Variants in GALNTL6 observed in about 807,000 individuals in gnomAD.
GALNTL6 encodes the protein polypeptide N-acetylgalactosaminyltransferase like 6, also known as polypeptide N-acetylgalactosaminyltransferase-like 6.
GALNTL6 carries 46 observed loss-of-function variants against 73.7 expected under a neutral mutation model. That is an observed-to-expected ratio of 0.62 (90% CI 0.49 to 0.80). GALNTL6 has a LOEUF of 0.80. Ranked by LOEUF, GALNTL6 falls within the 30% of genes least tolerant of loss-of-function variation. GALNTL6 has a pLI of 0.00. For synonymous variants in GALNTL6, 259 were observed against 263.7 expected (o/e 0.98, Z 0.17); for missense variants, 604 against 755.0 (o/e 0.80, Z 2.34).
intron 2 of GALNTL6, among the ~76,000 whole-genome samples, chr4:171,879,396 C>A (rs1041476741): frequency 6.6e-6 from 1 of 151,980 alleles, no homozygotes; most frequent in South Asian, 2.1e-4. Context: ...AGAACCTGCA[C>A]GTTCTATACA....
intron 2 of GALNTL6, among the ~76,000 whole-genome samples, chr4:172,229,265 C>T (rs1736971950): frequency 6.6e-6 from 1 of 152,042 alleles, no homozygotes; most frequent in African/African-American, 2.4e-5. Context: ...TATGTTTGAT[C>T]AAAATAAATA....
intron 2 of GALNTL6, among the ~76,000 whole-genome samples, chr4:171,918,100 A>G (rs1403268570): frequency 6.6e-6 from 1 of 152,116 alleles, no homozygotes; most frequent in Non-Finnish European, 1.5e-5. Flanking sequence ...AGGAGCTTGC[A>G]TATCTTCGTT....
At chr4:172,381,637 T>A (rs1328707717) in intron 5 of GALNTL6, among the ~76,000 whole-genome samples, 1 of 152,220 alleles carries the variant, frequency 6.6e-6, no homozygotes, top group Non-Finnish European at 1.5e-5. Context: ...AATAATGAAA[T>A]ATTATATGGA....
intron 2 of GALNTL6, among the ~76,000 whole-genome samples, chr4:171,871,572 G>A (rs373528939): frequency 4.0e-5 from 6 of 151,776 alleles, no homozygotes; most frequent in East Asian, 1.9e-4. Flanking sequence ...TATATTGCCC[G>A]CATCCTTGTA....
chr4:171,895,090 T>C (rs2110932971), intron 2 of GALNTL6, among the ~76,000 whole-genome samples: 1 of 152,316 alleles, frequency 6.6e-6, no homozygotes, highest in East Asian at 1.9e-4. Flanking sequence ...TAAGTAGTGA[T>C]GAATTTGGGG....
At chr4:172,802,011 G>T (rs567121285) in intron 5 of GALNTL6, among the ~76,000 whole-genome samples, 1 of 152,050 alleles carries the variant, frequency 6.6e-6, no homozygotes, top group Non-Finnish European at 1.5e-5. Context: ...TAATATTCAG[G>T]ATTCCCTTTC....
chr4:172,606,352 G>A (rs1304648405), intron 5 of GALNTL6, among the ~76,000 whole-genome samples: 1 of 151,136 alleles, frequency 6.6e-6, no homozygotes, highest in Non-Finnish European at 1.5e-5. Context: ...TACTCAGGAG[G>A]CTGAGGCAGG....
In GALNTL6 at chr4:172,824,055, G is replaced by A. The variant is rs144268054; in HGVS notation, c.923+10332G>A. On this transcript the variant is annotated intron_variant, in intron 7 of 12. Transcript: ENST00000506823. ...GGGAAGGGCCAGTGGGCTTGTTGGC[G>A]AGTATAATCTTAGAACTCATATGTG... Among the ~76,000 whole-genome samples, 210 of 152,274 alleles carry A rather than the reference G, an allele frequency of 1.4e-3. 1 individual carries two copies. The highest frequency in any genetic ancestry group is 4.0e-3 in the African/African-American group (165 of 41,558).
Position 172,302,005 on chromosome 4 carries a change from G to A in GALNTL6, c.248-9609G>A, listed in dbSNP as rs188613280. ...AGGCAGGCAGGCCTCCTTGAGCTGCGGTGGGCTCCACCCAGTTCAAGATTC... is the reference window on the plus strand; with the variant it reads ...AGGCAGGCAGGCCTCCTTGAGCTGCAGTGGGCTCCACCCAGTTCAAGATTC... On this transcript the variant is annotated intron_variant, in intron 3 of 12. Transcript: ENST00000506823. 3.6e-4 allele frequency among the ~76,000 whole-genome samples: 55 copies of A among 152,270 alleles called. No individual in the cohort carries two copies. In the East Asian group the frequency reaches 0.01, roughly 29 times the overall value.
chr4:172,544,504 G>T (rs1413017198), intron 5 of GALNTL6, among the ~76,000 whole-genome samples: 1 of 152,086 alleles, frequency 6.6e-6, no homozygotes, highest in African/African-American at 2.4e-5. Flanking sequence ...TGGAAGAAAA[G>T]AACAATTAAA....
At chr4:172,972,418 C>T (rs996437146) in intron 10 of GALNTL6, among the ~76,000 whole-genome samples, 9 of 152,164 alleles carry the variant, frequency 5.9e-5, no homozygotes, top group African/African-American at 2.2e-4. Context: ...CAAAAGATAT[C>T]TAAGCCTAAA....
At chr4:172,484,633 G>A (rs924611997) in intron 5 of GALNTL6, among the ~76,000 whole-genome samples, 1 of 152,178 alleles carries the variant, frequency 6.6e-6, no homozygotes, top group Non-Finnish European at 1.5e-5. Flanking sequence ...TTTTTGAAAT[G>A]TCAATAGCAG....
At chr4:172,639,127 A>C (rs1739840872) in intron 5 of GALNTL6, among the ~76,000 whole-genome samples, 1 of 152,132 alleles carries the variant, frequency 6.6e-6, no homozygotes, top group South Asian at 2.1e-4. Context: ...CTGTGTAACT[A>C]ATATGTATCT....
intron 4 of GALNTL6, among the ~76,000 whole-genome samples, chr4:172,335,925 T>A (rs1414393992): frequency 1.3e-5 from 2 of 152,196 alleles, no homozygotes; most frequent in Non-Finnish European, 2.9e-5. Flanking sequence ...TATAAATTTC[T>A]GAGTCTCAAT....
intron 2 of GALNTL6, among the ~76,000 whole-genome samples, chr4:172,133,096 A>G (rs1733543779): frequency 6.6e-6 from 1 of 152,260 alleles, no homozygotes; most frequent in South Asian, 2.1e-4. Flanking sequence ...GCAAACAAAT[A>G]GCAGAAAGAA....
chr4:172,047,037 C>T (rs1343281199), intron 2 of GALNTL6, among the ~76,000 whole-genome samples: 1 of 152,080 alleles, frequency 6.6e-6, no homozygotes, highest in African/African-American at 2.4e-5. Flanking sequence ...TTTGAGAAAA[C>T]TCCCATTCAT....
chr4:172,970,707 AGTGGTCCTGAG>A (rs1197581069), intron 10 of GALNTL6, among the ~76,000 whole-genome samples: 5 of 152,210 alleles, frequency 3.3e-5, no homozygotes, highest in African/African-American at 1.2e-4. Context: ...TTTGTACAAT[AGTGGTCCTGAG>A]GTGACGTACA....
chr4:172,420,673 A>C (rs146180097), intron 5 of GALNTL6, among the ~76,000 whole-genome samples: 1 of 152,204 alleles, frequency 6.6e-6, no homozygotes, highest in East Asian at 1.9e-4. Context: ...ACTTTATATA[A>C]TATTTTAATT....
rs115397347 is a variant in GALNTL6, at chr4:172,976,825, G to A, written c.1371+24567G>A. Reference sequence around the variant, plus strand: ...AGAAACATTCTTTTACAGCCTTCACGATGATAAGGTCCCCAGGACTGATTG... The same window carrying A: ...AGAAACATTCTTTTACAGCCTTCACAATGATAAGGTCCCCAGGACTGATTG... On this transcript the variant is annotated intron_variant, in intron 10 of 12. Coordinates refer to ENST00000506823, the MANE Select transcript of GALNTL6 (RefSeq NM_001034845.3). Among the ~76,000 whole-genome samples the A allele has an allele frequency of 2.0e-3, 309 of 152,224 alleles. 2 individuals are homozygous for A. Among genetic ancestry groups the A allele is most frequent in the African/African-American group, 7.2e-3 (298 of 41,536 alleles).
Sources: gnomAD v4.1 joint callset for allele counts (sites outside exome capture counted in the v4.1 genomes callset) on GRCh38, gnomAD v4.1.1 for gene constraint, MANE v1.5 for transcripts, NCBI Gene and HGNC (gene_info 2026-07-23, HGNC 2026-07-21) for gene names.